The following PAPSS1 variants were observed in gnomAD, a reference collection of about 807,000 sequenced individuals.
The protein encoded by PAPSS1 is 3'-phosphoadenosine 5'-phosphosulfate synthase 1.
PAPSS1 carries 50 observed loss-of-function variants against 72.0 expected under a neutral mutation model. The ratio of observed to expected loss-of-function variants is 0.69; its 90% CI spans 0.55 to 0.88. The LOEUF is 0.88. Ranked by LOEUF, PAPSS1 falls within the 40% of genes least tolerant of loss-of-function variation. The pLI is 0.00. For missense variants in PAPSS1, 657 were observed against 782.2 expected (o/e 0.84, Z 1.91); for synonymous variants, 261 against 263.6 (o/e 0.99, Z 0.09).
chr4:107,628,921 T>C (rs1178835648), intron 11 of PAPSS1, among the ~76,000 whole-genome samples: 1 of 152,174 alleles, frequency 6.6e-6, no homozygotes, highest in Admixed American at 6.5e-5. Flanking sequence ...CACTACCACT[T>C]TAAACTTACA....
Position 107,620,231 on chromosome 4 carries a change from TGG to T in PAPSS1, c.1737-5846_1737-5845del, listed in dbSNP as rs1050240095. On this transcript the variant is annotated intron_variant, in intron 11 of 11. Transcript: ENST00000265174. ...TCTTTGATAGGACGAAAAATAATAGTGGTAACTTATAAGTGAATCTGTTTTGA... is the reference window on the plus strand; with the variant it reads ...TCTTTGATAGGACGAAAAATAATAGTTAACTTATAAGTGAATCTGTTTTGA... 9.6e-4 allele frequency among the ~76,000 whole-genome samples: 146 copies of T among 152,298 alleles called. 1 individual carries two copies. Among genetic ancestry groups the T allele is most frequent in the African/African-American group, 3.3e-3 (136 of 41,560 alleles).
chr4:107,655,791 A>T (rs1246114956), intron 7 of PAPSS1, among the ~76,000 whole-genome samples: 1 of 152,246 alleles, frequency 6.6e-6, no homozygotes, highest in East Asian at 1.9e-4. Context: ...ACCAAGCCCA[A>T]GACTAAATCA....
At chr4:107,713,222 C>A (rs940980022) in intron 1 of PAPSS1, among the ~76,000 whole-genome samples, 1 of 151,942 alleles carries the variant, frequency 6.6e-6, no homozygotes, top group Non-Finnish European at 1.5e-5. Flanking sequence ...GTGACAAAAG[C>A]CAGATACAAA....
intron 11 of PAPSS1, among the ~76,000 whole-genome samples, chr4:107,622,415 A>G (rs1725988838): frequency 6.6e-6 from 1 of 152,226 alleles, no homozygotes; most frequent in African/African-American, 2.4e-5. Context: ...ACATCTCTTT[A>G]ATGGTGTCTT....
intron 5 of PAPSS1, among the ~76,000 whole-genome samples, chr4:107,663,954 T>C (rs1727251873): frequency 6.6e-6 from 1 of 152,250 alleles, no homozygotes; most frequent in Non-Finnish European, 1.5e-5. Context: ...CAGCATGTGA[T>C]CTTCCAATGC....
Position 107,685,575 on chromosome 4 carries a change from G to A in PAPSS1, c.550+1464C>T, listed in dbSNP as rs150127063. Reference sequence around the variant, plus strand: ...TTCCTCCAATTGTCATAATTATTCTGGTTAAGCAGCCTGATCTTTCTGAGT... The same window carrying A: ...TTCCTCCAATTGTCATAATTATTCTAGTTAAGCAGCCTGATCTTTCTGAGT... On this transcript the variant is annotated intron_variant, in intron 4 of 11. Coordinates refer to ENST00000265174, the MANE Select transcript of PAPSS1 (RefSeq NM_005443.5). 2.4e-4 allele frequency among the ~76,000 whole-genome samples: 36 copies of A among 152,264 alleles called. No individual in the cohort carries two copies. The East Asian group carries it at 6.8e-3, about 29-fold the overall frequency.
chr4:107,630,234 T>A (rs1233945368), intron 11 of PAPSS1, among the ~76,000 whole-genome samples: 2 of 152,250 alleles, frequency 1.3e-5, no homozygotes, highest in African/African-American at 4.8e-5. Context: ...TTACATTTTT[T>A]ATTTTTATGT....
At chr4:107,702,126 C>T (rs1723219397) in intron 1 of PAPSS1, among the ~76,000 whole-genome samples, 1 of 152,074 alleles carries the variant, frequency 6.6e-6, no homozygotes, top group Non-Finnish European at 1.5e-5. Flanking sequence ...ATCAAAACTA[C>T]AATAAGGTAT....
At chr4:107,720,008 G>A (rs1578445254) in intron 1 of PAPSS1, 112 bp downstream of exon 1, 5 of 1,516,212 alleles carry the variant, frequency 3.3e-6, no homozygotes, top group Non-Finnish European at 4.4e-6. Context: ...ACCCACCTCC[G>A]CGCTCCTGGA....
At chr4:107,660,750 A>G (rs1486165337) in intron 5 of PAPSS1, among the ~76,000 whole-genome samples, 1 of 152,182 alleles carries the variant, frequency 6.6e-6, no homozygotes, top group Non-Finnish European at 1.5e-5. Flanking sequence ...CACTTGACAT[A>G]TCCCTAAGAA....
intron 11 of PAPSS1, among the ~76,000 whole-genome samples, chr4:107,622,797 G>A (rs116213654): frequency 0.015 from 2,291 of 152,288 alleles, 65 homozygotes; most frequent in African/African-American, 0.052. Context: ...TGTGAAACAC[G>A]AACCCTTCAC....
intron 10 of PAPSS1, among the ~76,000 whole-genome samples, chr4:107,644,059 T>C (rs2726659): frequency 0.15 from 23,233 of 152,040 alleles, 3,210 homozygotes; most frequent in African/African-American, 0.37. Context: ...GAACCCAAAC[T>C]GTGCCTGGAC....
chr4:107,684,409 T>C (rs1722717884), intron 4 of PAPSS1, among the ~76,000 whole-genome samples: 2 of 152,204 alleles, frequency 1.3e-5, no homozygotes, highest in African/African-American at 4.8e-5. Context: ...CTTTGCCATA[T>C]TTTGAAATGG....
chr4:107,632,097 A>G (rs1726239210), intron 10 of PAPSS1, among the ~76,000 whole-genome samples: 1 of 152,106 alleles, frequency 6.6e-6, no homozygotes, highest in South Asian at 2.1e-4. Flanking sequence ...ATATGTATAT[A>G]TATTTATGTA....
chr4:107,656,888 T>C lies in PAPSS1; in HGVS notation c.895+8A>G, dbSNP rs1287225033. 7 of 1,528,890 alleles carry C rather than the reference T, an allele frequency of 4.6e-6. No homozygotes were observed. Among genetic ancestry groups the C allele is most frequent in the Non-Finnish European group, 6.3e-6 (7 of 1,102,798 alleles). The allele number at this position is 1,528,890 out of a possible 1,614,324, so 94.7% of individuals were successfully genotyped here. On this transcript the variant is annotated splice_region_variant and intron_variant, in intron 7 of 11. Coordinates refer to ENST00000265174, the MANE Select transcript of PAPSS1 (RefSeq NM_005443.5). The stretch of plus-strand genomic sequence containing the variant: ...ATACAATATAATTTTGAATGTAAAA[T>C]GTCTTACCATCCAGAAGACAATCAA...
chr4:107,639,486 AC>A (rs1338188806), intron 10 of PAPSS1, among the ~76,000 whole-genome samples: 1 of 152,130 alleles, frequency 6.6e-6, no homozygotes, highest in Non-Finnish European at 1.5e-5. Flanking sequence ...AAAATCATTT[AC>A]TTTGCTACAG....
At chr4:107,633,312 C>T (rs1477509256) in intron 10 of PAPSS1, among the ~76,000 whole-genome samples, 2 of 152,120 alleles carry the variant, frequency 1.3e-5, no homozygotes, top group Non-Finnish European at 2.9e-5. Context: ...ATAAATGAAA[C>T]ATGTGAGGTC....
chr4:107,626,585 T>TA, intron 11 of PAPSS1, among the ~76,000 whole-genome samples: 1 of 152,344 alleles, frequency 6.6e-6, no homozygotes, highest in East Asian at 1.9e-4. Flanking sequence ...TCATAATTCT[T>TA]ATCAACAACG....
chr4:107,706,612 C>T (rs1365850344), intron 1 of PAPSS1, among the ~76,000 whole-genome samples: 1 of 152,152 alleles, frequency 6.6e-6, no homozygotes, highest in Non-Finnish European at 1.5e-5. Context: ...CATGTATCTC[C>T]ATTTCTTTTG....
Sources: gnomAD v4.1 joint callset for allele counts (sites outside exome capture counted in the v4.1 genomes callset) on GRCh38, gnomAD v4.1.1 for gene constraint, MANE v1.5 for transcripts, NCBI Gene and HGNC (gene_info 2026-07-23, HGNC 2026-07-21) for gene names.